ALG6: variants seen among roughly 807,000 people sequenced by gnomAD.
The protein encoded by ALG6 is ALG6 alpha-1,3-glucosyltransferase, also known as dolichyl pyrophosphate Man9GlcNAc2 alpha-1,3-glucosyltransferase.
A neutral mutation model predicts 66.6 loss-of-function variants in ALG6; 46 were observed. That is an observed-to-expected ratio of 0.69 (90% CI 0.55 to 0.88). ALG6 has a LOEUF of 0.88. Among genes scored for constraint, ALG6 ranks in the 40% least tolerant of loss-of-function variants. ALG6 has a pLI of 0.00. For synonymous variants in ALG6, 185 were observed against 203.7 expected, an observed-to-expected ratio of 0.91 and a Z score of 0.78; for missense variants, 505 against 586.8, an observed-to-expected ratio of 0.86 and a Z score of 1.44.
chr1:63,419,964 G>A (rs1336654954), intron 12 of ALG6, among the ~76,000 whole-genome samples: 7 of 152,122 alleles, frequency 4.6e-5, no homozygotes, highest in Admixed American at 4.6e-4. Context: ...TGACAGCTGG[G>A]AGTATGATAT....
chr1:63,418,817 T>C (rs1213575666), intron 11 of ALG6, among the ~76,000 whole-genome samples: 1 of 152,172 alleles, frequency 6.6e-6, no homozygotes, highest in Non-Finnish European at 1.5e-5. Flanking sequence ...GTTAGATGTG[T>C]AGCATGGATA....
intron 11 of ALG6, among the ~76,000 whole-genome samples, chr1:63,419,030 CT>C (rs1471448006): frequency 1.3e-5 from 2 of 151,870 alleles, no homozygotes; most frequent in Non-Finnish European, 2.9e-5. Context: ...ACCTTCTTGT[CT>C]TTCATGGTTT....
At chr1:63,400,102 G>A (rs766786847) in intron 3 of ALG6, among the ~76,000 whole-genome samples, 2 of 147,552 alleles carry the variant, frequency 1.4e-5, no homozygotes, top group African/African-American at 2.5e-5. Context: ...GCTGAGGCAG[G>A]AGAATCGCTT....
In ALG6 at chr1:63,414,152, A is replaced by C; in HGVS notation, c.902+6A>C. The C allele has an allele frequency of 6.4e-7, 1 of 1,574,208 alleles. No homozygotes were observed. Among genetic ancestry groups the C allele is most frequent in the East Asian group, 2.2e-5 (1 of 44,578 alleles). ...CACATCCAATTAATAATGAGGTAAG[A>C]GAAACAAAGTTTGTATGTAGTATTT... On this transcript the variant is annotated splice_donor_region_variant and intron_variant, in intron 10 of 14. Coordinates refer to ENST00000263440, the MANE Select transcript of ALG6 (RefSeq NM_013339.4).
chr1:63,392,375 T>C (rs577894394), intron 2 of ALG6, among the ~76,000 whole-genome samples: 2 of 152,228 alleles, frequency 1.3e-5, no homozygotes, highest in East Asian at 3.9e-4. Context: ...TTCACCATGT[T>C]GGTCAGGCTG....
intron 12 of ALG6, among the ~76,000 whole-genome samples, chr1:63,426,838 C>A (rs1025461974): frequency 6.6e-6 from 1 of 152,058 alleles, no homozygotes; most frequent in Non-Finnish European, 1.5e-5. Flanking sequence ...GCCCCTGCGC[C>A]GGCTGTAATA....
At chr1:63,404,685 T>A in intron 5 of ALG6, 144 bp downstream of exon 5, 1 of 718,384 alleles carries the variant, frequency 1.4e-6, no homozygotes, top group Non-Finnish European at 2.5e-6. Flanking sequence ...CATATTTGTA[T>A]ACATGATCCA....
chr1:63,378,377 C>T (rs1226460993), intron 2 of ALG6, among the ~76,000 whole-genome samples: 1 of 152,146 alleles, frequency 6.6e-6, no homozygotes, highest in African/African-American at 2.4e-5. Context: ...TTTCTTGCTG[C>T]AGTTTCACTA....
rs960424383 is a variant in ALG6, at chr1:63,396,364, G to C, written c.83-149G>C. 7.0e-6 allele frequency: 5 copies of C among 712,778 alleles called. No individual in the cohort carries two copies. In the African/African-American group the frequency reaches 7.1e-5, roughly 10 times the overall value. 44.2% of individuals were successfully genotyped at this position (712,778 alleles called of 1,614,324 possible). On this transcript the variant is annotated intron_variant, in intron 2 of 14. Coordinates refer to ENST00000263440, the MANE Select transcript of ALG6 (RefSeq NM_013339.4). ...CAGTGTGCCAGCAGTGCTAGATTCA[G>C]ATTTTATCTCTCTGACTTTCTCGGT...
rs115991504 is a variant in ALG6, at chr1:63,435,438, C to T, written c.1327-1385C>T. On this transcript the variant is annotated intron_variant, in intron 14 of 14. Coordinates refer to ENST00000263440, the MANE Select transcript of ALG6 (RefSeq NM_013339.4). ...TGTAAGCTTTCTTGGCGCCTATCCT[C>T]GCTTTTCCATTTGGAATGATCACTG... Among the ~76,000 whole-genome samples the T allele has an allele frequency of 1.7e-3, 262 of 152,206 alleles. 1 individual carries two copies. The highest frequency in any genetic ancestry group is 3.2e-3 in the Non-Finnish European group (221 of 68,008).
Position 63,419,422 on chromosome 1 carries a change from C to A in ALG6, c.1040C>A (p.Ser347Tyr). The A allele has an allele frequency of 6.2e-7, 1 of 1,607,308 alleles. No homozygotes were observed. ...FLFSFQVHEK[S>Y]ILLVSLPVCL... ...TTTTCTTTCCAAGTACATGAAAAAT[C>A]CATTCTCTTGGTGTCACTGTAAGTA... Residue 347 changes from serine (S) to tyrosine (Y), a missense_variant, in exon 12 of 15, where the codon TCC becomes TAC. Ser to Tyr is a moderately radical substitution (Grantham distance 144). Transcript: ENST00000263440.
chr1:63,394,078 G>A (rs1648748628), intron 2 of ALG6, among the ~76,000 whole-genome samples: 1 of 152,206 alleles, frequency 6.6e-6, no homozygotes, highest in Admixed American at 6.5e-5. Flanking sequence ...AGCGTTTAAA[G>A]AATATTGGTA....
At chr1:63,430,612 T>C (rs1006964108) in intron 14 of ALG6, among the ~76,000 whole-genome samples, 2 of 152,230 alleles carry the variant, frequency 1.3e-5, no homozygotes, top group African/African-American at 4.8e-5. Flanking sequence ...TGGTATTTCA[T>C]TGGAGTGCTG....
chr1:63,435,133 T>C (rs369135294), intron 14 of ALG6, among the ~76,000 whole-genome samples: 58 of 152,264 alleles, frequency 3.8e-4, no homozygotes, highest in African/African-American at 1.3e-3. Flanking sequence ...CACTAGTGAA[T>C]GGGATGAAGA....
chr1:63,430,172 C>T (rs544678444), intron 14 of ALG6, among the ~76,000 whole-genome samples: 13 of 152,184 alleles, frequency 8.5e-5, no homozygotes, highest in East Asian at 3.8e-4. Flanking sequence ...TGAGCCACTG[C>T]GCCCAGTCAC....
In ALG6 at chr1:63,396,394, C is replaced by T. The variant is rs1648826657; in HGVS notation, c.83-119C>T. ...TATCTCTCTGACTTTCTCGGTAACTCCTGTGTTCTTTCTGTAACCTACACT... is the reference window on the plus strand; with the variant it reads ...TATCTCTCTGACTTTCTCGGTAACTTCTGTGTTCTTTCTGTAACCTACACT... On this transcript the variant is annotated intron_variant, in intron 2 of 14. Coordinates refer to ENST00000263440, the MANE Select transcript of ALG6 (RefSeq NM_013339.4). 3.6e-6 allele frequency: 3 copies of T among 840,904 alleles called. No homozygotes were observed. In the Admixed American group the frequency reaches 6.0e-5, roughly 17 times the overall value. 52.1% of individuals were successfully genotyped at this position (840,904 alleles called of 1,614,324 possible).
chr1:63,384,731 ACT>A (rs1409006559), intron 2 of ALG6, among the ~76,000 whole-genome samples: 1 of 151,550 alleles, frequency 6.6e-6, no homozygotes, highest in African/African-American at 2.4e-5. Context: ...CCCCAAAGAG[ACT>A]CTCTTTTCCC....
In ALG6 at chr1:63,433,593, C is replaced by A. The variant is rs1386889406; in HGVS notation, c.1327-3230C>A. 1.3e-5 allele frequency among the ~76,000 whole-genome samples: 2 copies of A among 152,136 alleles called. No individual in the cohort carries two copies. Among genetic ancestry groups the A allele is most frequent in the Non-Finnish European group, 2.9e-5 (2 of 68,032 alleles). ...TTTTTGTTAGTATAGGCCCAGATTC[C>A]TGAGTGTATGTCAAAATCTAGCCCT... On this transcript the variant is annotated intron_variant, in intron 14 of 14. Coordinates refer to ENST00000263440, the MANE Select transcript of ALG6 (RefSeq NM_013339.4). This position sits in a 1 kb window ranked among gnomAD's most constrained non-coding sequence, Gnocchi z 4.2.
intron 12 of ALG6, among the ~76,000 whole-genome samples, chr1:63,424,172 G>A (rs1303575328): frequency 2.0e-5 from 3 of 151,712 alleles, no homozygotes; most frequent in East Asian, 1.9e-4. Flanking sequence ...ACGGAGTCTC[G>A]CTCTGTCACC....
Sources: gnomAD v4.1 joint callset for allele counts (sites outside exome capture counted in the v4.1 genomes callset) on GRCh38, gnomAD v4.1.1 for gene constraint, Gnocchi (gnomAD v3.1) non-coding constraint, MANE v1.5 for transcripts, NCBI Gene and HGNC (gene_info 2026-07-23, HGNC 2026-07-21) for gene names.